Variants in PCLO observed in about 807,000 individuals in gnomAD.
PCLO encodes piccolo presynaptic cytomatrix protein, also known as protein piccolo.
PCLO carries 82 observed loss-of-function variants against 427.5 expected under a neutral mutation model. The observed-to-expected ratio is 0.19, with a 90% CI of 0.16 to 0.23. The LOEUF is 0.23. PCLO is among the 10% of genes least tolerant of loss of function. The pLI, the probability that PCLO is intolerant of heterozygous loss-of-function variation, is 1.00. For missense variants in PCLO, 6,239 were observed against 6,115.9 expected, an observed-to-expected ratio of 1.02 and a Z score of -0.67; for synonymous variants, 2,357 against 2,155.4, an observed-to-expected ratio of 1.09 and a Z score of -2.59.
At chr7:82,768,940 G>T (rs1790589344) in intron 22 of PCLO, among the ~76,000 whole-genome samples, 1 of 152,132 alleles carries the variant, frequency 6.6e-6, no homozygotes, top group African/African-American at 2.4e-5. Context: ...TTCACCAAAA[G>T]AAATAGATTG....
At chr7:82,855,401 A>T (rs1467989128) in intron 10 of PCLO, among the ~76,000 whole-genome samples, 3 of 152,156 alleles carry the variant, frequency 2.0e-5, no homozygotes, top group Non-Finnish European at 4.4e-5. Flanking sequence ...GTAAATAAAA[A>T]AACTAATTCA....
intron 22 of PCLO, among the ~76,000 whole-genome samples, chr7:82,788,663 A>C (rs1314303063): frequency 2.0e-5 from 3 of 152,044 alleles, no homozygotes; most frequent in Non-Finnish European, 2.9e-5. Context: ...TTTTAATTAA[A>C]AACGTCAAAT....
intron 22 of PCLO, among the ~76,000 whole-genome samples, chr7:82,798,890 C>T (rs1583986806): frequency 6.6e-6 from 1 of 152,090 alleles, no homozygotes; most frequent in South Asian, 2.1e-4. Flanking sequence ...TCAACCCCCG[C>T]CCCTCTGCTC....
intron 3 of PCLO, among the ~76,000 whole-genome samples, chr7:83,021,602 C>T (rs988846637): frequency 6.6e-6 from 1 of 152,128 alleles, no homozygotes; most frequent in African/African-American, 2.4e-5. Flanking sequence ...TTCTTCCTTT[C>T]TCCCATGTGC....
intron 3 of PCLO, among the ~76,000 whole-genome samples, chr7:82,987,741 CAACA>C (rs1286609834): frequency 2.6e-5 from 4 of 152,022 alleles, no homozygotes; most frequent in African/African-American, 9.7e-5. Context: ...CAGTTCCAAC[CAACA>C]ATCAGTATAG....
intron 10 of PCLO, among the ~76,000 whole-genome samples, chr7:82,874,537 C>A (rs192238382): frequency 9.9e-5 from 15 of 152,166 alleles, no homozygotes; most frequent in African/African-American, 3.6e-4. Context: ...CTTAGGTGAA[C>A]ATATGCAGAT....
intron 3 of PCLO, among the ~76,000 whole-genome samples, chr7:83,128,644 T>C (rs1791499066): frequency 6.6e-6 from 1 of 152,156 alleles, no homozygotes; most frequent in Non-Finnish European, 1.5e-5. Context: ...AAGCAAAGAC[T>C]TCACCACCAC....
At chr7:82,946,501 T>TTAGAGAACA (rs1562873435) in intron 6 of PCLO, among the ~76,000 whole-genome samples, 1 of 152,176 alleles carries the variant, frequency 6.6e-6, no homozygotes, top group East Asian at 1.9e-4. Flanking sequence ...GCAGACTTCT[T>TTAGAGAACA]TAGAGAACAA....
At chr7:82,780,052 C>A (rs1240256175) in intron 22 of PCLO, among the ~76,000 whole-genome samples, 1 of 152,086 alleles carries the variant, frequency 6.6e-6, no homozygotes, top group Non-Finnish European at 1.5e-5. Flanking sequence ...TTATTGTAAA[C>A]CTCTTTCTCA....
At chr7:82,782,899 CAT>C (rs1409871546) in intron 22 of PCLO, among the ~76,000 whole-genome samples, 1 of 152,206 alleles carries the variant, frequency 6.6e-6, no homozygotes, top group African/African-American at 2.4e-5. Context: ...CTCCCAAATG[CAT>C]ATGGTTCTCT....
chr7:83,102,732 A>T (rs2116492894), intron 3 of PCLO, among the ~76,000 whole-genome samples: 1 of 152,014 alleles, frequency 6.6e-6, no homozygotes, highest in Non-Finnish European at 1.5e-5. Context: ...TGAAAAAATA[A>T]AACTCTTGAT....
At position 83,162,632 on chromosome 7, in the gene PCLO, G is replaced by T; in HGVS notation, c.-40C>A. 1 of 1,497,406 alleles carries T rather than the reference G, an allele frequency of 6.7e-7. No homozygotes were observed. The highest frequency in any genetic ancestry group is 2.2e-5 in the Admixed American group (1 of 46,492). 92.8% of individuals were successfully genotyped at this position (1,497,406 alleles called of 1,614,324 possible). On this transcript the variant is annotated 5_prime_UTR_variant, in exon 1 of 25. Coordinates refer to ENST00000333891, the MANE Select transcript of PCLO (RefSeq NM_033026.6). ...CGGGGCCGCCGCGCTCCCTCCTCGC[G>T]CCGCGTCCCAGTCGAGAAGCCCGCG... is the stretch of plus-strand genomic sequence containing the variant.
intron 3 of PCLO, among the ~76,000 whole-genome samples, chr7:83,059,677 TTGG>T (rs977609949): frequency 6.6e-6 from 1 of 151,968 alleles, no homozygotes; most frequent in Non-Finnish European, 1.5e-5. Flanking sequence ...TCCATTCAGC[TTGG>T]TGGTTAAGAG....
intron 3 of PCLO, among the ~76,000 whole-genome samples, chr7:83,062,953 T>C (rs973372859): frequency 1.2e-4 from 19 of 152,112 alleles, no homozygotes; most frequent in African/African-American, 4.6e-4. Flanking sequence ...TTTTCACATA[T>C]ATAACTGCTA....
rs767764600 is a variant in PCLO at position 82,755,108 on chromosome 7, G to C, written c.*3467C>G. The stretch of plus-strand genomic sequence containing the variant: ...CACCACCACCGCTAATATCACTACT[G>C]CTACCACCACTATCATTACAGTCAT... On this transcript the variant is annotated 3_prime_UTR_variant, in exon 25 of 25. Transcript: ENST00000333891. 2.0e-5 allele frequency: 3 copies of C among 151,774 alleles called. No individual in the cohort carries two copies. The highest frequency in any genetic ancestry group is 4.4e-5 in the Non-Finnish European group (3 of 67,920). The allele number at this position is 151,774 out of a possible 1,614,324, so 9.4% of individuals were successfully genotyped here. A position where few individuals can be genotyped will look rare whatever the true frequency, so the allele number is the denominator to read the frequency against.
chr7:82,787,859 C>A (rs1426136973), intron 22 of PCLO, among the ~76,000 whole-genome samples: 2 of 152,084 alleles, frequency 1.3e-5, no homozygotes, highest in Admixed American at 1.3e-4. Context: ...GCCAAGTCAT[C>A]ATTAATTAAA....
At position 82,952,633 on chromosome 7, in the gene PCLO, A is replaced by G; in HGVS notation, c.8320T>C (p.Ser2774Pro). Residue 2774 changes from serine (S) to proline (P), a missense_variant, in exon 5 of 25, where the codon TCT (serine) becomes CCT (proline). Around this residue, in one of 5 missense-constraint regions of PCLO, gnomAD observed 4,677 missense variants for 4,468.4 expected, o/e 1.05. Transcript: ENST00000333891. ...YGKQISAVQP[S>P]IINLSVTSSI... ...GATGTCACACTAAGATTTATAATAG[A>G]GGGTTGGACAGCACTAATTTGTTTC... 6.2e-7 allele frequency: 1 copy of G among 1,613,908 alleles called. No individual in the cohort carries two copies. Among genetic ancestry groups the G allele is most frequent in the Non-Finnish European group, 8.5e-7 (1 of 1,179,838 alleles).
rs1584026249 is a variant in PCLO, at chr7:82,833,807, T to C, written c.14249+1860A>G. On this transcript the variant is annotated intron_variant, in intron 16 of 24. Coordinates refer to ENST00000333891, the MANE Select transcript of PCLO (RefSeq NM_033026.6). ...AAAGCTTATTATGTTCCAGACATTA[T>C]GCTTATCACTTTTGATGTATTTATT... Among the ~76,000 whole-genome samples, 5 of 152,274 alleles carry C rather than the reference T, an allele frequency of 3.3e-5. 1 individual carries two copies. Among genetic ancestry groups the C allele is most frequent in the Admixed American group, 3.3e-4 (5 of 15,288 alleles).
rs143255480 is a variant in PCLO, at chr7:82,827,362, T to C, written c.14343+511A>G. Among the ~76,000 whole-genome samples, 493 of 152,176 alleles carry C rather than the reference T, an allele frequency of 3.2e-3. 4 individuals are homozygous for C. Among genetic ancestry groups the C allele is most frequent in the Non-Finnish European group, 5.4e-3 (364 of 67,912 alleles). ...TTACTTATCTCTGGTGATAATCCTT[T>C]ATACTAGTCATCATTTTGCCTTCTT... is the stretch of plus-strand genomic sequence containing the variant. On this transcript the variant is annotated intron_variant, in intron 17 of 24. Transcript: ENST00000333891.
Sources: gnomAD v4.1 joint callset for allele counts (sites outside exome capture counted in the v4.1 genomes callset) on GRCh38, gnomAD v4.1.1 for gene constraint, gnomAD v4.1.1 regional missense constraint, MANE v1.5 for transcripts, NCBI Gene and HGNC (gene_info 2026-07-23, HGNC 2026-07-21) for gene names.